The following DPY19L1 variants were observed in gnomAD, a reference collection of about 807,000 sequenced individuals.
The protein encoded by DPY19L1 is dpy-19 like C-mannosyltransferase 1, also known as protein C-mannosyl-transferase DPY19L1.
Under a neutral mutation model 96.9 loss-of-function variants are expected in DPY19L1, and 35 were observed. The ratio of observed to expected loss-of-function variants is 0.36; its 90% CI spans 0.28 to 0.48. The LOEUF is 0.48. Among genes scored for constraint, DPY19L1 ranks in the 20% least tolerant of loss-of-function variants. The pLI is 0.99. For missense variants in DPY19L1, 521 were observed against 777.9 expected (o/e 0.67, Z 3.93); for synonymous variants, 205 against 252.6 (o/e 0.81, Z 1.79).
intron 8 of DPY19L1, among the ~76,000 whole-genome samples, chr7:34,971,517 A>T (rs1284370576): frequency 1.3e-5 from 2 of 152,186 alleles, no homozygotes; most frequent in Non-Finnish European, 2.9e-5. Flanking sequence ...CTGAACCAGG[A>T]GTGGTGAAAG....
chr7:34,996,089 A>T lies in DPY19L1; in HGVS notation c.765-6148T>A, dbSNP rs186404907. Among the ~76,000 whole-genome samples the T allele has an allele frequency of 7.2e-5, 11 of 152,320 alleles. No individual in the cohort carries two copies. The East Asian group carries it at 2.1e-3, about 29-fold the overall frequency. ...ATTTAACTCTCTATCTGCCGATTCT[A>T]ACTGAAGTTATTTACTTATTAGATT... On this transcript the variant is annotated intron_variant, in intron 6 of 21. Coordinates refer to ENST00000638088, the MANE Select transcript of DPY19L1 (RefSeq NM_001366673.1).
intron 11 of DPY19L1, among the ~76,000 whole-genome samples, chr7:34,955,914 A>T (rs1363457230): frequency 6.6e-6 from 1 of 152,208 alleles, no homozygotes; most frequent in African/African-American, 2.4e-5. Flanking sequence ...TCTTTTTGGA[A>T]GTTTCTAAAT....
chr7:35,020,319 TTA>T (rs1468896463), intron 1 of DPY19L1, among the ~76,000 whole-genome samples: 2 of 152,230 alleles, frequency 1.3e-5, no homozygotes, highest in African/African-American at 4.8e-5. Context: ...GGATTTTCAC[TTA>T]TAAAATTAAT....
At chr7:34,946,682 A>C (rs1784153343) in intron 15 of DPY19L1, among the ~76,000 whole-genome samples, 2 of 152,220 alleles carry the variant, frequency 1.3e-5, no homozygotes, top group African/African-American at 4.8e-5. Context: ...GTCGGAGTAC[A>C]CAGCTGAATA....
chr7:34,957,885 G>T (rs1383887175), intron 11 of DPY19L1, 99 bp downstream of exon 11: 11 of 719,008 alleles, frequency 1.5e-5, no homozygotes, highest in Non-Finnish European at 2.5e-5. Flanking sequence ...ACTTAAGATG[G>T]TTCCTACAGA....
intron 16 of DPY19L1, among the ~76,000 whole-genome samples, chr7:34,943,016 C>A (rs1248354313): frequency 6.6e-6 from 1 of 152,180 alleles, no homozygotes; most frequent in African/African-American, 2.4e-5. Flanking sequence ...ATGTGTAAAT[C>A]TGAGTTCAAG....
intron 7 of DPY19L1, chr7:34,988,249 C>A (rs1785092171): frequency 6.6e-6 from 1 of 152,008 alleles, no homozygotes. Flanking sequence ...GTCTAGGTTC[C>A]AAAATTTTGA....
At chr7:34,967,920 CTG>C (rs1450138629) in intron 9 of DPY19L1, among the ~76,000 whole-genome samples, 1 of 152,178 alleles carries the variant, frequency 6.6e-6, no homozygotes, top group African/African-American at 2.4e-5. Flanking sequence ...GACATAACAA[CTG>C]TGGGGAAGTG....
At chr7:34,936,101 C>T (rs561595600) in intron 21 of DPY19L1, among the ~76,000 whole-genome samples, 17 of 152,362 alleles carry the variant, frequency 1.1e-4, no homozygotes, top group Middle Eastern at 6.8e-3. Flanking sequence ...TGGGGAAATC[C>T]AGCACACCCT....
At chr7:34,982,825 G>T (rs550559543) in intron 7 of DPY19L1, among the ~76,000 whole-genome samples, 1 of 152,280 alleles carries the variant, frequency 6.6e-6, no homozygotes, top group African/African-American at 2.4e-5. Context: ...AAAGAGGAGT[G>T]GGGGAGAGTC....
intron 13 of DPY19L1, among the ~76,000 whole-genome samples, chr7:34,953,083 T>C (rs1282775832): frequency 6.6e-6 from 1 of 152,084 alleles, no homozygotes; most frequent in Non-Finnish European, 1.5e-5. Context: ...TGACCTGATT[T>C]GGGGCGGACA....
At chr7:34,944,194 C>G (rs1329403511) in intron 16 of DPY19L1, among the ~76,000 whole-genome samples, 3 of 151,838 alleles carry the variant, frequency 2.0e-5, no homozygotes, top group Non-Finnish European at 4.4e-5. Context: ...GAAACCCCGT[C>G]TCTACTAAAA....
At chr7:34,953,108 C>T (rs1394101336) in intron 13 of DPY19L1, among the ~76,000 whole-genome samples, 2 of 152,098 alleles carry the variant, frequency 1.3e-5, no homozygotes, top group African/African-American at 4.8e-5. Context: ...AAAACCTACG[C>T]TCAGAGGCAC....
At chr7:34,994,545 C>T (rs1182001088) in intron 6 of DPY19L1, among the ~76,000 whole-genome samples, 1 of 152,112 alleles carries the variant, frequency 6.6e-6, no homozygotes, top group Non-Finnish European at 1.5e-5. Context: ...GTGGCTCATG[C>T]CTGTAATCCC....
Position 34,940,334 on chromosome 7 carries a change from C to A in DPY19L1, c.1690-7G>T, listed in dbSNP as rs557665854. ...AAAAGAGCCATCCAAATAGCTGAAA[C>A]CAAATTAAGAATACATTGGTAATTG... On this transcript the variant is annotated splice_region_variant and splice_polypyrimidine_tract_variant and intron_variant, in intron 18 of 21. Transcript: ENST00000638088. 6.2e-7 allele frequency: 1 copy of A among 1,601,042 alleles called. No individual in the cohort carries two copies. The highest frequency in any genetic ancestry group is 8.5e-7 in the Non-Finnish European group (1 of 1,175,566).
chr7:35,037,289 C>G lies in DPY19L1; in HGVS notation c.106G>C (p.Gly36Arg). ...PLRGASDVGA[G>R]EPGPERAPLS... is the part of the protein sequence containing the mutation. ...GGCGCGCGCTCGGGCCCCGGCTCCC[C>G]GGCGCCGACGTCCGACGCCCCCCTC... The change falls in exon 1 of 22, where the codon GGG becomes CGG. Residue 36 changes from glycine (G) to arginine (R), a missense_variant. Coordinates refer to ENST00000638088, the MANE Select transcript of DPY19L1 (RefSeq NM_001366673.1). 1 of 338,442 alleles carries G rather than the reference C, an allele frequency of 3.0e-6. No individual in the cohort carries two copies. The highest frequency in any genetic ancestry group is 5.3e-6 in the Non-Finnish European group (1 of 187,910). 21.0% of individuals were successfully genotyped at this position (338,442 alleles called of 1,614,324 possible).
At position 35,003,079 on chromosome 7, in the gene DPY19L1, CAAT is replaced by C. The variant is rs1785467875; in HGVS notation, c.764+7386_764+7388del. The stretch of plus-strand genomic sequence containing the variant: ...GCCACCGTGCCCGGCCAGCAACCAA[CAAT>C]GTTTTCAAGTCTAGAGTTCAACACT... On this transcript the variant is annotated intron_variant, in intron 6 of 21. Coordinates refer to ENST00000638088, the MANE Select transcript of DPY19L1 (RefSeq NM_001366673.1). Among the ~76,000 whole-genome samples the C allele has an allele frequency of 5.3e-5, 8 of 152,180 alleles. 1 individual carries two copies. The South Asian group carries it at 1.7e-3, about 32-fold the overall frequency.
intron 10 of DPY19L1, among the ~76,000 whole-genome samples, chr7:34,961,309 A>G (rs1784496599): frequency 6.6e-6 from 1 of 152,226 alleles, no homozygotes; most frequent in Admixed American, 6.5e-5. Flanking sequence ...AAACAGATCA[A>G]GGGAACAAAA....
At chr7:34,931,807 C>T in intron 21 of DPY19L1, 78 bp from the exon 22 acceptor site, 4 of 1,484,550 alleles carry the variant, frequency 2.7e-6, no homozygotes, top group South Asian at 2.9e-5. Flanking sequence ...TCTTACATTC[C>T]TGACCTCAAT....
Sources: gnomAD v4.1 joint callset for allele counts (sites outside exome capture counted in the v4.1 genomes callset) on GRCh38, gnomAD v4.1.1 for gene constraint, MANE v1.5 for transcripts, NCBI Gene and HGNC (gene_info 2026-07-23, HGNC 2026-07-21) for gene names.